Variants in SLFN12L observed in about 807,000 individuals in gnomAD.
SLFN12L encodes schlafen family member 12-like.
In SLFN12L, 34 loss-of-function variants were observed where a neutral mutation model predicts 34.8. That is an observed-to-expected ratio of 0.98 (90% confidence interval 0.74 to 1.30). The LOEUF (loss-of-function observed/expected upper bound fraction) is 1.30. Ranked by LOEUF, SLFN12L falls within the 50% of genes most tolerant of loss-of-function variation. The pLI, the probability that SLFN12L is intolerant of heterozygous loss-of-function variation, is 0.00. For synonymous variants in SLFN12L, 259 were observed against 247.5 expected (o/e 1.05, Z -0.44); for missense variants, 703 against 696.2 (o/e 1.01, Z -0.11).
chr17:35,519,281 A>C (rs1915930571), intron 2 of SLFN12L, among the ~76,000 whole-genome samples: 1 of 152,182 alleles, frequency 6.6e-6, no homozygotes, highest in African/African-American at 2.4e-5. Flanking sequence ...GGGTGCAGCA[A>C]ACTACCATGG....
rs1000368962 is a variant in SLFN12L, at chr17:35,522,984, A to G, written c.-605-15T>C. The stretch of plus-strand genomic sequence containing the variant: ...TCCTGGTAGCACTAGATGTGAAAAG[A>G]ATGAGAAATTAGGGGAAGGAGAAGA... On this transcript the variant is annotated splice_polypyrimidine_tract_variant and intron_variant, in intron 1 of 4. Coordinates refer to ENST00000628453, the MANE Select transcript of SLFN12L (RefSeq NM_001363830.2). The G allele has an allele frequency of 4.2e-6, 2 of 475,010 alleles. No homozygotes were observed. Among genetic ancestry groups the G allele is most frequent in the African/African-American group, 3.9e-5 (2 of 51,036 alleles). 29.4% of individuals were successfully genotyped at this position (475,010 alleles called of 1,614,324 possible).
At chr17:35,531,447 A>T (rs1330531925) in intron 1 of SLFN12L, among the ~76,000 whole-genome samples, 1 of 152,202 alleles carries the variant, frequency 6.6e-6, no homozygotes, top group Non-Finnish European at 1.5e-5. Context: ...TTTTATGACC[A>T]TTAAAACAAC....
chr17:35,512,750 C>T (rs114234637), intron 2 of SLFN12L, among the ~76,000 whole-genome samples: 1,601 of 152,326 alleles, frequency 0.011, 35 homozygotes, highest in African/African-American at 0.036. Flanking sequence ...TAAGAAAATG[C>T]ACTTGGCTTA....
chr17:35,474,914 G>A lies in SLFN12L; in HGVS notation c.*9C>T. 2 of 1,534,358 alleles carry A rather than the reference G, an allele frequency of 1.3e-6. No individual in the cohort carries two copies. Among genetic ancestry groups the A allele is most frequent in the South Asian group, 2.5e-5 (2 of 80,434 alleles). On this transcript the variant is annotated 3_prime_UTR_variant, in exon 5 of 5. Coordinates refer to ENST00000628453, the MANE Select transcript of SLFN12L (RefSeq NM_001363830.2). ...TCACTACACTCCAGTCTGGGTGACAGAGTGAGACTCATCTCAAGAAAAAAC... is the reference window on the plus strand; with the variant it reads ...TCACTACACTCCAGTCTGGGTGACAAAGTGAGACTCATCTCAAGAAAAAAC...
intron 2 of SLFN12L, among the ~76,000 whole-genome samples, chr17:35,488,903 C>T (rs981004423): frequency 6.6e-6 from 1 of 151,908 alleles, no homozygotes; most frequent in African/African-American, 2.4e-5. Flanking sequence ...AATCCCGTCT[C>T]TACTAAAAAT....
chr17:35,474,237 G>A lies in SLFN12L; in HGVS notation c.*686C>T, dbSNP rs1567638520. On this transcript the variant is annotated 3_prime_UTR_variant, in exon 5 of 5. Transcript: ENST00000628453. ...TTCATTGCAATATAGTTTTCAAGAA[G>A]ATATTAGAGAACTATGTTTTCCATG... is the stretch of plus-strand genomic sequence containing the variant. 6.6e-6 allele frequency: 1 copy of A among 152,202 alleles called. No individual in the cohort carries two copies. Among genetic ancestry groups the A allele is most frequent in the Non-Finnish European group, 1.5e-5 (1 of 68,044 alleles). The allele number at this position is 152,202 out of a possible 1,614,324, so 9.4% of individuals were successfully genotyped here.
At chr17:35,497,377 G>T (rs1319016087) in intron 2 of SLFN12L, among the ~76,000 whole-genome samples, 1 of 151,810 alleles carries the variant, frequency 6.6e-6, no homozygotes, top group African/African-American at 2.4e-5. Flanking sequence ...GGCGACAAGA[G>T]CAAAACTCCA....
chr17:35,521,179 C>G (rs540677467), intron 2 of SLFN12L, among the ~76,000 whole-genome samples: 1 of 152,190 alleles, frequency 6.6e-6, no homozygotes, highest in African/African-American at 2.4e-5. Context: ...GAAAAATTAT[C>G]ACAGATCCAA....
chr17:35,534,440 TC>T (rs2072440073), intron 1 of SLFN12L, among the ~76,000 whole-genome samples: 2 of 152,140 alleles, frequency 1.3e-5, no homozygotes, highest in Non-Finnish European at 2.9e-5. Flanking sequence ...TTTTTCAAAG[TC>T]CTTTCTAGCT....
intron 2 of SLFN12L, among the ~76,000 whole-genome samples, chr17:35,489,416 G>A (rs1443236362): frequency 1.3e-5 from 2 of 152,104 alleles, no homozygotes; most frequent in Non-Finnish European, 2.9e-5. Context: ...AACCGGGCGT[G>A]GTGGCAGTGC....
intron 2 of SLFN12L, among the ~76,000 whole-genome samples, chr17:35,511,375 T>C (rs1915639669): frequency 6.6e-6 from 1 of 152,212 alleles, no homozygotes; most frequent in African/African-American, 2.4e-5. Flanking sequence ...AAAATAAACT[T>C]ACTCATGGGT....
Position 35,480,132 on chromosome 17 carries a change from G to A in SLFN12L, c.150C>T (p.Asp50=), listed in dbSNP as rs1265017739. 1 of 1,612,844 alleles carries A rather than the reference G, an allele frequency of 6.2e-7. No individual in the cohort carries two copies. Among genetic ancestry groups the A allele is most frequent in the Non-Finnish European group, 8.5e-7 (1 of 1,179,698 alleles). The change falls in exon 3 of 5, where the codon GAC becomes GAT. Residue 50 remains aspartate, a synonymous_variant. Transcript: ENST00000628453. ...AGKMNISIDL[D]TNYAELVLNV... ...TTAGAACCAGCTCAGCATAGTTTGTGTCTAAATCAATACTGATGTTCATTT... is the reference window on the plus strand; with the variant it reads ...TTAGAACCAGCTCAGCATAGTTTGTATCTAAATCAATACTGATGTTCATTT...
chr17:35,521,937 G>C (rs1191643038), intron 2 of SLFN12L, among the ~76,000 whole-genome samples: 1 of 152,076 alleles, frequency 6.6e-6, no homozygotes, highest in African/African-American at 2.4e-5. Context: ...ATGGACACAG[G>C]AAAGGGAACA....
intron 4 of SLFN12L, 90 bp downstream of exon 4, chr17:35,477,985 A>G (rs939118981): frequency 7.8e-6 from 6 of 771,902 alleles, no homozygotes; most frequent in East Asian, 3.0e-5. Context: ...ATGTGCTTCC[A>G]TAACAAATAT....
chr17:35,499,611 C>T, intron 2 of SLFN12L: 1 of 159,800 alleles, frequency 6.3e-6, no homozygotes, highest in Non-Finnish European at 1.3e-5. Context: ...GAAGGTTGTG[C>T]CATTTCACAG....
chr17:35,503,729 T>C (rs2142152799), intron 2 of SLFN12L, among the ~76,000 whole-genome samples: 1 of 152,154 alleles, frequency 6.6e-6, no homozygotes, highest in African/African-American at 2.4e-5. Flanking sequence ...CCCTCAAAAC[T>C]AAAAGTCTTT....
At chr17:35,495,808 T>C (rs1271660420) in intron 2 of SLFN12L, among the ~76,000 whole-genome samples, 1 of 150,804 alleles carries the variant, frequency 6.6e-6, no homozygotes, top group East Asian at 2.0e-4. Context: ...CACTAACAAC[T>C]GGTCAGGGTG....
chr17:35,519,305 A>G (rs545167125), intron 2 of SLFN12L, among the ~76,000 whole-genome samples: 4 of 152,188 alleles, frequency 2.6e-5, no homozygotes, highest in Non-Finnish European at 4.4e-5. Flanking sequence ...ATGTATACCT[A>G]TGTAACAAAC....
In SLFN12L at chr17:35,464,556, A is replaced by G. The variant is rs949058238; in HGVS notation, c.*10367T>C. The G allele has an allele frequency of 6.6e-6, 1 of 152,034 alleles. No homozygotes were observed. The highest frequency in any genetic ancestry group is 1.5e-5 in the Non-Finnish European group (1 of 68,018). The allele number at this position is 152,034 out of a possible 1,614,324, so 9.4% of individuals were successfully genotyped here. A position where few individuals can be genotyped will look rare whatever the true frequency, so the allele number is the denominator to read the frequency against. ...GTTCTTAAGTTAGTTTGCTAAGGGTAATGGCCTCCAGTTCCATCCATGTTC... is the reference window on the plus strand; with the variant it reads ...GTTCTTAAGTTAGTTTGCTAAGGGTGATGGCCTCCAGTTCCATCCATGTTC... On this transcript the variant is annotated 3_prime_UTR_variant, in exon 5 of 5. Coordinates refer to ENST00000628453, the MANE Select transcript of SLFN12L (RefSeq NM_001363830.2).
Sources: gnomAD v4.1 joint callset for allele counts (sites outside exome capture counted in the v4.1 genomes callset) on GRCh38, gnomAD v4.1.1 for gene constraint, MANE v1.5 for transcripts, NCBI Gene and HGNC (gene_info 2026-07-23, HGNC 2026-07-21) for gene names.